DNAH5: variants seen among roughly 807,000 people sequenced by gnomAD.
DNAH5 encodes dynein axonemal heavy chain 5, also known as axonemal beta dynein heavy chain 5.
A neutral mutation model predicts 518.2 loss-of-function variants in DNAH5; 372 were observed. That is an observed-to-expected ratio of 0.72 (90% CI 0.66 to 0.78). The LOEUF (loss-of-function observed/expected upper bound fraction) is 0.78, where lower values mean the gene tolerates loss of function less well. Among genes scored for constraint, DNAH5 ranks in the 30% least tolerant of loss-of-function variants. DNAH5 has a pLI of 0.00. For missense variants in DNAH5, 5,523 were observed against 5,687.0 expected, an observed-to-expected ratio of 0.97 and a Z score of 0.93; for synonymous variants, 2,039 against 2,025.9, an observed-to-expected ratio of 1.01 and a Z score of -0.17.
rs375784848 is a variant in DNAH5 at position 14,003,739 on chromosome 5, C to T, written c.12+7909G>A. 3.9e-5 allele frequency among the ~76,000 whole-genome samples: 6 copies of T among 152,300 alleles called. No homozygotes were observed. In the East Asian group the frequency reaches 1.2e-3, roughly 29 times the overall value. The stretch of plus-strand genomic sequence containing the variant: ...CCAAGGCTGGGTCATAAAAGTGATG[C>T]GGCCAAGCCTTGCTCTCTGGAATAC... On this transcript the variant is annotated intron_variant, in intron 1 of 78. Coordinates refer to the DNAH5 transcript ENST00000681290.
chr5:13,820,135 A>G (rs1164077197), intron 41 of DNAH5, among the ~76,000 whole-genome samples: 1 of 152,214 alleles, frequency 6.6e-6, no homozygotes, highest in African/African-American at 2.4e-5. Flanking sequence ...CATACAGTGC[A>G]GTGCATAAAG....
At chr5:13,711,883 A>G (rs1743523767) in intron 75 of DNAH5, among the ~76,000 whole-genome samples, 1 of 152,228 alleles carries the variant, frequency 6.6e-6, no homozygotes, top group South Asian at 2.1e-4. Context: ...CAACACAAAC[A>G]AATGGAAATA....
rs763542767 is a variant in DNAH5, at chr5:13,810,277, CT to C, written c.7408-18del. On this transcript the variant is annotated intron_variant, in intron 44 of 78. Coordinates refer to ENST00000265104, the MANE Select transcript of DNAH5 (RefSeq NM_001369.3). Reference sequence around the variant, plus strand: ...GCCTTGCTCCTGAGAAGGAAAGACACTTTTTTTTAATAACTTGATTCTGAAA... The same window carrying C: ...GCCTTGCTCCTGAGAAGGAAAGACACTTTTTTTAATAACTTGATTCTGAAA... 4.1e-4 allele frequency: 631 copies of C among 1,548,086 alleles called. No individual in the cohort carries two copies. Among genetic ancestry groups the C allele is most frequent in the Non-Finnish European group, 5.2e-4 (601 of 1,145,038 alleles).
At position 13,999,584 on chromosome 5, in the gene DNAH5, T is replaced by C. The variant is rs557816461; in HGVS notation, c.12+12064A>G. Among the ~76,000 whole-genome samples the C allele has an allele frequency of 2.6e-5, 4 of 152,388 alleles. No homozygotes were observed. In the East Asian group the frequency reaches 5.8e-4, roughly 22 times the overall value. On this transcript the variant is annotated intron_variant, in intron 1 of 78. Transcript: ENST00000681290. ...TATACAGCACACTTCCTTTATCCAT[T>C]CATCTGTTGATGGACATTTAGGCTG...
intron 1 of DNAH5, among the ~76,000 whole-genome samples, chr5:13,991,447 A>C (rs961445793): frequency 6.8e-6 from 1 of 146,190 alleles, no homozygotes; most frequent in East Asian, 2.2e-4. Context: ...CAAGGAGCCA[A>C]GGGTAGGGAT....
intron 56 of DNAH5, 80 bp from the exon 57 acceptor site, chr5:13,769,695 G>A (rs1246410360): frequency 1.7e-6 from 2 of 1,177,006 alleles, no homozygotes; most frequent in Non-Finnish European, 2.5e-6. Context: ...CCAATAATGA[G>A]TGGTAATGGT....
chr5:13,708,810 T>C (rs894628037), intron 75 of DNAH5, among the ~76,000 whole-genome samples: 2 of 152,238 alleles, frequency 1.3e-5, no homozygotes, highest in Non-Finnish European at 2.9e-5. Context: ...CAACCATTCA[T>C]TATCATCCTA....
At chr5:13,854,632 G>A (rs189318313) in intron 30 of DNAH5, among the ~76,000 whole-genome samples, 2 of 152,202 alleles carry the variant, frequency 1.3e-5, no homozygotes, top group East Asian at 3.9e-4. Flanking sequence ...CATCTCACGT[G>A]CAAAGACACA....
Position 14,000,667 on chromosome 5 carries a change from G to A in DNAH5, c.12+10981C>T, listed in dbSNP as rs533622619. On this transcript the variant is annotated intron_variant, in intron 1 of 78. Coordinates refer to the DNAH5 transcript ENST00000681290. ...AAAAAATGGATGCTGGCAAGGCTGC[G>A]GGGAAAAGGGAATGCTTATTAGAAT... Among the ~76,000 whole-genome samples, 8 of 151,812 alleles carry A rather than the reference G, an allele frequency of 5.3e-5. No individual in the cohort carries two copies. In the South Asian group the frequency reaches 8.3e-4, roughly 16 times the overall value.
rs745404863 is a variant in DNAH5, at chr5:13,716,505, G to A, written c.12891C>T (p.Asn4297=). The A allele has an allele frequency of 1.2e-6, 2 of 1,613,158 alleles. No individual in the cohort carries two copies. Among genetic ancestry groups the A allele is most frequent in the South Asian group, 2.2e-5 (2 of 91,068 alleles). The change falls in exon 74 of 79, where the codon AAC becomes AAT. Residue 4297 remains asparagine (N), a synonymous_variant. Transcript: ENST00000265104. ...GACAAACCTGGATATACTGAAGATAGTTATCCACTGTGCTGCATTTTGGAA... is the reference window on the plus strand; with the variant it reads ...GACAAACCTGGATATACTGAAGATAATTATCCACTGTGCTGCATTTTGGAA... The part of the protein sequence containing the change: ...YNIPKCSTVD[N]YLQYIQSLPA...
At chr5:13,903,454 G>C (rs931815694) in intron 12 of DNAH5, among the ~76,000 whole-genome samples, 12 of 151,860 alleles carry the variant, frequency 7.9e-5, no homozygotes, top group African/African-American at 2.9e-4. Context: ...AAAAGACTTA[G>C]TCCTCAAATG....
At chr5:13,697,853 A>G (rs1038171012) in intron 78 of DNAH5, among the ~76,000 whole-genome samples, 6 of 152,166 alleles carry the variant, frequency 3.9e-5, no homozygotes, top group Admixed American at 2.6e-4. Context: ...TCTCAGCTCA[A>G]TATTTCTCAC....
chr5:13,777,118 C>G, intron 54 of DNAH5, 84 bp downstream of exon 54: 2 of 1,338,674 alleles, frequency 1.5e-6, no homozygotes, highest in South Asian at 2.4e-5. Context: ...CTTATTCACA[C>G]CACTAATGGA....
Position 13,876,693 on chromosome 5 carries a change from G to A in DNAH5, c.3387C>T (p.Ser1129=), listed in dbSNP as rs1472087285. The change falls in exon 22 of 79, where the codon TCC becomes TCT. Residue 1129 remains serine (S), a synonymous_variant. Transcript: ENST00000265104. The part of the protein sequence containing the change: ...LVSVLSTIIN[S]TKKEVITSMD... Reference sequence around the variant, plus strand: ...GACCCTCTTGACATACCTTTTTGGTGGAGTTGATAATTGTGCTAAGCACAG... The same window carrying A: ...GACCCTCTTGACATACCTTTTTGGTAGAGTTGATAATTGTGCTAAGCACAG... 1 of 1,612,960 alleles carries A rather than the reference G, an allele frequency of 6.2e-7. No individual in the cohort carries two copies. Among genetic ancestry groups the A allele is most frequent in the East Asian group, 2.2e-5 (1 of 44,878 alleles).
intron 61 of DNAH5, among the ~76,000 whole-genome samples, chr5:13,757,917 G>A (rs934237280): frequency 1.3e-5 from 2 of 152,002 alleles, no homozygotes; most frequent in Admixed American, 6.6e-5. Flanking sequence ...ATTTCAATTC[G>A]GCCAAGTAAA....
At position 13,843,368 on chromosome 5, in the gene DNAH5, C is replaced by T. The variant is rs144906587; in HGVS notation, c.5272-1464G>A. 1.5e-4 allele frequency among the ~76,000 whole-genome samples: 23 copies of T among 152,240 alleles called. No homozygotes were observed. In the East Asian group the frequency reaches 2.1e-3, roughly 14 times the overall value. ...TCATGTTCAGGATGAAGCTGAATTC[C>T]GTAATGTAATGCACCTGGCCTTTGG... On this transcript the variant is annotated intron_variant, in intron 32 of 78. Transcript: ENST00000265104.
chr5:13,992,087 A>G (rs1368014058), intron 1 of DNAH5, among the ~76,000 whole-genome samples: 1 of 152,252 alleles, frequency 6.6e-6, no homozygotes, highest in Non-Finnish European at 1.5e-5. Context: ...CAGGGAATGA[A>G]TCAAGGTTCC....
intron 22 of DNAH5, among the ~76,000 whole-genome samples, chr5:13,873,104 T>G (rs996658866): frequency 6.6e-6 from 1 of 151,966 alleles, no homozygotes; most frequent in African/African-American, 2.4e-5. Context: ...TCCTATAAAT[T>G]TGTACAAATA....
chr5:13,796,167 C>T (rs139584411), intron 47 of DNAH5, among the ~76,000 whole-genome samples: 1 of 152,180 alleles, frequency 6.6e-6, no homozygotes, highest in Non-Finnish European at 1.5e-5. Flanking sequence ...TCTCACCACT[C>T]ATATTCAACA....
Sources: gnomAD v4.1 joint callset for allele counts (sites outside exome capture counted in the v4.1 genomes callset) on GRCh38, gnomAD v4.1.1 for gene constraint, MANE v1.5 for transcripts, NCBI Gene and HGNC (gene_info 2026-07-23, HGNC 2026-07-21) for gene names.